Variants in TFB2M observed in about 807,000 individuals in gnomAD.
TFB2M encodes the protein transcription factor B2, mitochondrial.
In TFB2M, 44 loss-of-function variants were observed where a neutral mutation model predicts 41.3. The ratio of observed to expected loss-of-function variants is 1.07; its 90% confidence interval spans 0.84 to 1.37. The LOEUF (loss-of-function observed/expected upper bound fraction) is 1.37, where lower values mean the gene tolerates loss of function less well. Ranked by LOEUF, TFB2M falls within the 40% of genes most tolerant of loss-of-function variation. TFB2M has a pLI of 0.00. For missense variants in TFB2M, 496 were observed against 490.2 expected (o/e 1.01, Z -0.11); for synonymous variants, 188 against 176.8 (o/e 1.06, Z -0.50).
At position 246,553,658 on chromosome 1, in the gene TFB2M, CCT is replaced by C. The variant is rs571101197; in HGVS notation, c.706-2358_706-2357del. 5.9e-5 allele frequency among the ~76,000 whole-genome samples: 9 copies of C among 151,996 alleles called. No homozygotes were observed. The East Asian group carries it at 1.7e-3, about 29-fold the overall frequency. ...ACTCCAGCCTGGGCGACAGTGAGAC[CCT>C]GTGTCAAACAAAAATGAAAACAACA... On this transcript the variant is annotated intron_variant, in intron 4 of 7. Transcript: ENST00000366514.
chr1:246,562,307 G>T (rs1053944731), intron 2 of TFB2M, among the ~76,000 whole-genome samples: 2 of 152,168 alleles, frequency 1.3e-5, no homozygotes, highest in Non-Finnish European at 1.5e-5. Flanking sequence ...GAGAGTAAGA[G>T]ACTGGTTAAA....
intron 4 of TFB2M, among the ~76,000 whole-genome samples, chr1:246,554,638 TG>T (rs1334549137): frequency 6.6e-6 from 1 of 152,192 alleles, no homozygotes; most frequent in East Asian, 1.9e-4. Flanking sequence ...TATGGTGAGT[TG>T]TATAATTATT....
At chr1:246,557,230 G>A (rs1389524093) in intron 3 of TFB2M, 151 bp downstream of exon 3, 4 of 818,356 alleles carry the variant, frequency 4.9e-6, no homozygotes, top group East Asian at 2.9e-5. Context: ...CCAGGATCGC[G>A]CCACTGCACT....
intron 2 of TFB2M, among the ~76,000 whole-genome samples, chr1:246,563,005 T>A (rs1659496683): frequency 6.6e-6 from 1 of 152,118 alleles, no homozygotes; most frequent in Admixed American, 6.6e-5. Context: ...CTCCTTAGCC[T>A]TGACGGACCC....
intron 2 of TFB2M, among the ~76,000 whole-genome samples, chr1:246,563,212 T>A (rs1659503779): frequency 6.6e-6 from 1 of 152,104 alleles, no homozygotes; most frequent in African/African-American, 2.4e-5. Flanking sequence ...CTTTTTTTTT[T>A]TTTTTTTACT....
At chr1:246,550,134 C>T (rs1367157135) in intron 5 of TFB2M, among the ~76,000 whole-genome samples, 1 of 152,206 alleles carries the variant, frequency 6.6e-6, no homozygotes, top group Non-Finnish European at 1.5e-5. Context: ...CGAAAACATT[C>T]TGCAAGCTAA....
At chr1:246,559,408 G>A (rs1179002815) in intron 2 of TFB2M, among the ~76,000 whole-genome samples, 5 of 152,216 alleles carry the variant, frequency 3.3e-5, no homozygotes, top group Non-Finnish European at 7.4e-5. Flanking sequence ...AGTAAGCCAG[G>A]GGTGGTGGCA....
At chr1:246,546,966 T>TACACACACACACACACAC (rs1372687255) in intron 6 of TFB2M, among the ~76,000 whole-genome samples, 3 of 132,250 alleles carry the variant, frequency 2.3e-5, no homozygotes, top group African/African-American at 8.4e-5. Flanking sequence ...TATGTATATA[T>TACACACACACACACACAC]ACACACACAC....
At chr1:246,542,391 G>C (rs1658883757) in intron 7 of TFB2M, among the ~76,000 whole-genome samples, 1 of 151,880 alleles carries the variant, frequency 6.6e-6, no homozygotes, top group South Asian at 2.1e-4. Flanking sequence ...AAATATTTTG[G>C]GCTGGGTGCG....
chr1:246,540,682 T>C lies in TFB2M; in HGVS notation c.*349A>G, dbSNP rs1233577185. ...TGAAAGGCAAACCAGTAAATCAGTT[T>C]TGCTTACTTTCTAAGCTTAATAATG... On this transcript the variant is annotated 3_prime_UTR_variant, in exon 8 of 8. Transcript: ENST00000366514. 2 of 179,814 alleles carry C rather than the reference T, an allele frequency of 1.1e-5. No individual in the cohort carries two copies. Among genetic ancestry groups the C allele is most frequent in the Admixed American group, 1.2e-4 (2 of 16,674 alleles). The allele number at this position is 179,814 out of a possible 1,614,324, so 11.1% of individuals were successfully genotyped here. A position where few individuals can be genotyped will look rare whatever the true frequency, so the allele number is the denominator to read the frequency against.
At position 246,557,341 on chromosome 1, in the gene TFB2M, C is replaced by T. The variant is rs369752757; in HGVS notation, c.556+40G>A. ...CAGTTATACTGCTAGAGACACCTGG[C>T]AAATTCTAGGTATTTGCTTTAGTAA... On this transcript the variant is annotated intron_variant, in intron 3 of 7. Coordinates refer to ENST00000366514, the MANE Select transcript of TFB2M (RefSeq NM_022366.3). The T allele has an allele frequency of 3.1e-6, 5 of 1,589,426 alleles. No homozygotes were observed. The African/African-American group carries it at 6.8e-5, about 22-fold the overall frequency.
At chr1:246,548,633 A>C in intron 5 of TFB2M, 26 bp from the exon 6 acceptor site, 1 of 1,603,610 alleles carries the variant, frequency 6.2e-7, no homozygotes, top group Non-Finnish European at 8.5e-7. Flanking sequence ...AAAGCAAAAC[A>C]ACATCTTTTA....
rs1265265648 is a variant in TFB2M at position 246,540,574 on chromosome 1, T to TATTTTA, written c.*451_*456dup. 6.5e-6 allele frequency: 1 copy of TATTTTA among 152,856 alleles called. No individual in the cohort carries two copies. Among genetic ancestry groups the TATTTTA allele is most frequent in the African/African-American group, 2.4e-5 (1 of 41,464 alleles). 9.5% of individuals were successfully genotyped at this position (152,856 alleles called of 1,614,324 possible). A position where few individuals can be genotyped will look rare whatever the true frequency, so the allele number is the denominator to read the frequency against. On this transcript the variant is annotated 3_prime_UTR_variant, in exon 8 of 8. Transcript: ENST00000366514. ...AACCACAAAATCTTCTTATTTAAAA[T>TATTTTA]ATTTTAATTTCTAAAAAGCTTAAAT...
At chr1:246,546,095 G>A (rs904007311) in intron 6 of TFB2M, among the ~76,000 whole-genome samples, 4 of 152,034 alleles carry the variant, frequency 2.6e-5, no homozygotes, top group Non-Finnish European at 5.9e-5. Flanking sequence ...CAGGAGGATC[G>A]CTGGAGCCCA....
rs750536428 is a variant in TFB2M, at chr1:246,557,368, T to C, written c.556+13A>G. The C allele has an allele frequency of 1.2e-6, 2 of 1,607,444 alleles. No individual in the cohort carries two copies. The highest frequency in any genetic ancestry group is 1.3e-5 in the African/African-American group (1 of 74,620). On this transcript the variant is annotated intron_variant, in intron 3 of 7. Coordinates refer to ENST00000366514, the MANE Select transcript of TFB2M (RefSeq NM_022366.3). Reference sequence around the variant, plus strand: ...AATTCTAGGTATTTGCTTTAGTAAATTCCAAAAATGACCTGCTGTCCAAGG... The same window carrying C: ...AATTCTAGGTATTTGCTTTAGTAAACTCCAAAAATGACCTGCTGTCCAAGG...
rs765196571 is a variant in TFB2M, at chr1:246,564,332, A to C, written c.402+14T>G. ...GAACAAACAATAACATACGTTGAGA[A>C]ACTAAAAATATACCTCCAAATGTGG... On this transcript the variant is annotated intron_variant, in intron 2 of 7. Coordinates refer to ENST00000366514, the MANE Select transcript of TFB2M (RefSeq NM_022366.3). The C allele has an allele frequency of 2.3e-5, 37 of 1,612,364 alleles. No individual in the cohort carries two copies. The highest frequency in any genetic ancestry group is 2.9e-5 in the Non-Finnish European group (34 of 1,178,514).
intron 6 of TFB2M, among the ~76,000 whole-genome samples, chr1:246,545,585 G>A (rs1658998055): frequency 6.6e-6 from 1 of 151,588 alleles, no homozygotes; most frequent in Admixed American, 6.6e-5. Context: ...GGCTGAGGTG[G>A]GCAGATCGCT....
rs1191913962 is a variant in TFB2M, at chr1:246,546,962, T to TACACACACACACACACACACACACAC, written c.858+1582_858+1583insGTGTGTGTGTGTGTGTGTGTGTGTGT. On this transcript the variant is annotated intron_variant, in intron 6 of 7. Transcript: ENST00000366514. ...TCATCCCTAAAAGTTTATATATGTA[T>TACACACACACACACACACACACACAC]ATATACACACACACACACACATTTT... Among the ~76,000 whole-genome samples the TACACACACACACACACACACACACAC allele has an allele frequency of 3.8e-3, 278 of 73,946 alleles. 4 individuals are homozygous for TACACACACACACACACACACACACAC. Among genetic ancestry groups the TACACACACACACACACACACACACAC allele is most frequent in the African/African-American group, 8.9e-3 (263 of 29,508 alleles). 48.5% of individuals were successfully genotyped at this position (73,946 alleles called of 152,430 possible).
intron 2 of TFB2M, among the ~76,000 whole-genome samples, chr1:246,562,247 T>C (rs1454473225): frequency 3.9e-5 from 6 of 152,306 alleles, no homozygotes; most frequent in Middle Eastern, 3.4e-3. Context: ...CATAGAGAAA[T>C]ATAAGTTTCC....
Sources: gnomAD v4.1 joint callset for allele counts (sites outside exome capture counted in the v4.1 genomes callset) on GRCh38, gnomAD v4.1.1 for gene constraint, MANE v1.5 for transcripts, NCBI Gene and HGNC (gene_info 2026-07-23, HGNC 2026-07-21) for gene names.